EDIL3: variants seen among roughly 807,000 people sequenced by gnomAD.
EDIL3 encodes the protein EGF-like repeat and discoidin I-like domain-containing protein 3.
EDIL3 carries 37 observed loss-of-function variants against 67.4 expected under a neutral mutation model. That is an observed-to-expected ratio of 0.55 (90% CI 0.42 to 0.72). The LOEUF (loss-of-function observed/expected upper bound fraction) is 0.72, where lower values mean the gene tolerates loss of function less well. EDIL3 is among the 30% of genes least tolerant of loss of function. The pLI is 0.00. For missense variants in EDIL3, 527 were observed against 586.3 expected, an observed-to-expected ratio of 0.90 and a Z score of 1.04; for synonymous variants, 195 against 196.3, an observed-to-expected ratio of 0.99 and a Z score of 0.05.
rs189219358 is a variant in EDIL3 at position 84,023,771 on chromosome 5, T to A, written c.1137+36529A>T. On this transcript the variant is annotated intron_variant, in intron 9 of 10. Coordinates refer to ENST00000296591, the MANE Select transcript of EDIL3 (RefSeq NM_005711.5). ...TATTAGACTTTTCCTCTGCACTGTATACTGTGGACCCATTTACTAACTGAC... is the reference window on the plus strand; with the variant it reads ...TATTAGACTTTTCCTCTGCACTGTAAACTGTGGACCCATTTACTAACTGAC... 4.0e-3 allele frequency among the ~76,000 whole-genome samples: 614 copies of A among 152,056 alleles called. 5 individuals are homozygous for A. Among genetic ancestry groups the A allele is most frequent in the Non-Finnish European group, 7.1e-3 (484 of 67,944 alleles).
At chr5:84,084,000 C>T (rs1747024616) in intron 6 of EDIL3, among the ~76,000 whole-genome samples, 1 of 152,024 alleles carries the variant, frequency 6.6e-6, no homozygotes, top group East Asian at 1.9e-4. Context: ...GAATTGTGGT[C>T]ATCTCTGCTT....
chr5:84,259,266 G>A (rs1384736931), intron 1 of EDIL3, among the ~76,000 whole-genome samples: 1 of 152,042 alleles, frequency 6.6e-6, no homozygotes, highest in East Asian at 1.9e-4. Context: ...GTCTGGTAAA[G>A]TCTTTTAAAA....
rs190622295 is a variant in EDIL3, at chr5:84,120,971, T to C, written c.470-14141A>G. On this transcript the variant is annotated intron_variant, in intron 5 of 10. Transcript: ENST00000296591. ...TTGCCACTGAGTCCTCATTCATACA[T>C]GCCAATGGGTAACAGTGACAGTAGG... Among the ~76,000 whole-genome samples, 3 of 152,108 alleles carry C rather than the reference T, an allele frequency of 2.0e-5. No individual in the cohort carries two copies. In the East Asian group the frequency reaches 5.8e-4, roughly 29 times the overall value.
At chr5:84,262,659 G>GTGTTTTTTTTTTTTTTT (rs1745250482) in intron 1 of EDIL3, among the ~76,000 whole-genome samples, 1 of 46,310 alleles carries the variant, frequency 2.2e-5, no homozygotes, top group Non-Finnish European at 3.6e-5. Context: ...AGGTTGGTTG[G>GTGTTTTTTTTTTTTTTT]TTTTTTTTTT....
intron 1 of EDIL3, among the ~76,000 whole-genome samples, chr5:84,355,871 A>C (rs1747468930): frequency 6.6e-6 from 1 of 152,190 alleles, no homozygotes; most frequent in African/African-American, 2.4e-5. Flanking sequence ...TTAAGTCTGC[A>C]AAGCTGTGTC....
intron 1 of EDIL3, among the ~76,000 whole-genome samples, chr5:84,299,105 T>C (rs992228650): frequency 5.9e-5 from 9 of 152,114 alleles, no homozygotes; most frequent in Admixed American, 1.3e-4. Context: ...ATTCTGTAAG[T>C]AGGTTGCAGT....
chr5:84,282,508 A>C (rs577606317), intron 1 of EDIL3, among the ~76,000 whole-genome samples: 2 of 152,190 alleles, frequency 1.3e-5, no homozygotes, highest in Admixed American at 1.3e-4. Flanking sequence ...TTATTTCTTC[A>C]TTCTCCTGTT....
At chr5:84,269,323 T>C (rs1421225207) in intron 1 of EDIL3, among the ~76,000 whole-genome samples, 1 of 152,168 alleles carries the variant, frequency 6.6e-6, no homozygotes, top group Non-Finnish European at 1.5e-5. Context: ...TTTTTTCCTT[T>C]TACAAAGTAT....
Position 84,097,536 on chromosome 5 carries a change from T to C in EDIL3, c.651+9113A>G, listed in dbSNP as rs12515286. Reference sequence around the variant, plus strand: ...GCAAACCATGTAAGGCCAGGCCACATATGTTTTGTGTTATGTTTACCCAGC... The same window carrying C: ...GCAAACCATGTAAGGCCAGGCCACACATGTTTTGTGTTATGTTTACCCAGC... On this transcript the variant is annotated intron_variant, in intron 6 of 10. Coordinates refer to ENST00000296591, the MANE Select transcript of EDIL3 (RefSeq NM_005711.5). Among the ~76,000 whole-genome samples the C allele has an allele frequency of 4.8e-3, 737 of 152,310 alleles. 19 individuals carry two copies. The South Asian group carries it at 0.055, about 11-fold the overall frequency.
chr5:83,973,328 A>G (rs892957510), intron 9 of EDIL3, among the ~76,000 whole-genome samples: 1 of 152,118 alleles, frequency 6.6e-6, no homozygotes, highest in Non-Finnish European at 1.5e-5. Context: ...GATATCCAAT[A>G]AAGATTTTTC....
chr5:84,046,799 A>T (rs13167187), intron 9 of EDIL3, among the ~76,000 whole-genome samples: 2 of 152,346 alleles, frequency 1.3e-5, no homozygotes, highest in East Asian at 3.9e-4. Flanking sequence ...AGGAATCAGA[A>T]GTCATCTAAT....
At chr5:84,138,716 C>G (rs938616056) in intron 4 of EDIL3, among the ~76,000 whole-genome samples, 6 of 152,010 alleles carry the variant, frequency 3.9e-5, no homozygotes, top group Non-Finnish European at 8.8e-5. Flanking sequence ...TGGTCAACTT[C>G]TCATTCTAAG....
At chr5:84,298,002 T>A (rs1341278908) in intron 1 of EDIL3, among the ~76,000 whole-genome samples, 2 of 152,058 alleles carry the variant, frequency 1.3e-5, no homozygotes, top group Non-Finnish European at 2.9e-5. Flanking sequence ...CTCAAGGGGT[T>A]TTAGACCCCG....
Position 84,141,906 on chromosome 5 carries a change from C to CATATAT in EDIL3, c.356-4558_356-4553dup, listed in dbSNP as rs1178660927. Among the ~76,000 whole-genome samples, 457 of 96,772 alleles carry CATATAT rather than the reference C, an allele frequency of 4.7e-3. 4 individuals are homozygous for CATATAT. Among genetic ancestry groups the CATATAT allele is most frequent in the East Asian group, 0.023 (38 of 1,634 alleles). The allele number at this position is 96,772 out of a possible 152,430, so 63.5% of individuals were successfully genotyped here. ...CTACTCCAGTAATTGACAAACTACTCATATATATATATATATACACATATA... is the reference window on the plus strand; with the variant it reads ...CTACTCCAGTAATTGACAAACTACTCATATATATATATATATATATATACACATATA... On this transcript the variant is annotated intron_variant, in intron 4 of 10. Transcript: ENST00000296591.
At chr5:84,098,261 A>G (rs989034843) in intron 6 of EDIL3, among the ~76,000 whole-genome samples, 1 of 152,118 alleles carries the variant, frequency 6.6e-6, no homozygotes, top group Admixed American at 6.5e-5. Flanking sequence ...ATGAAATTGA[A>G]TACTAATTAG....
At chr5:84,057,578 A>C (rs1055610148) in intron 9 of EDIL3, among the ~76,000 whole-genome samples, 1 of 152,146 alleles carries the variant, frequency 6.6e-6, no homozygotes, top group African/African-American at 2.4e-5. Flanking sequence ...TCAAAGTAAG[A>C]ACCTGAAAAC....
chr5:84,134,432 T>C (rs936253863), intron 5 of EDIL3, among the ~76,000 whole-genome samples: 2 of 152,160 alleles, frequency 1.3e-5, no homozygotes, highest in Non-Finnish European at 1.5e-5. Flanking sequence ...TTGTCAATCA[T>C]ATTCCAGGGT....
intron 3 of EDIL3, 152 bp downstream of exon 3, chr5:84,229,703 A>C: frequency 2.7e-6 from 2 of 727,286 alleles, no homozygotes; most frequent in Non-Finnish European, 4.4e-6. Context: ...GGCACAGCAT[A>C]GTGAGCTCAG....
chr5:84,376,841 G>C lies in EDIL3; in HGVS notation c.67+7467C>G, dbSNP rs140706862. On this transcript the variant is annotated intron_variant, in intron 1 of 10. Coordinates refer to ENST00000296591, the MANE Select transcript of EDIL3 (RefSeq NM_005711.5). ...TAGCTCAGTAGAAAGCACAAAACAT[G>C]AAACAAGAACTTGGTATATAAACAT... Among the ~76,000 whole-genome samples the C allele has an allele frequency of 3.9e-3, 596 of 152,282 alleles. 10 individuals are homozygous for C. The highest frequency in any genetic ancestry group is 0.013 in the African/African-American group (558 of 41,558).
Sources: gnomAD v4.1 joint callset for allele counts (sites outside exome capture counted in the v4.1 genomes callset) on GRCh38, gnomAD v4.1.1 for gene constraint, MANE v1.5 for transcripts, NCBI Gene and HGNC (gene_info 2026-07-23, HGNC 2026-07-21) for gene names.